CCDC181: variants seen among roughly 807,000 people sequenced by gnomAD.
CCDC181 encodes coiled-coil domain containing 181.
A neutral mutation model predicts 58.7 loss-of-function variants in CCDC181; 35 were observed. The observed-to-expected ratio is 0.60, with a 90% CI of 0.46 to 0.79. CCDC181 has a LOEUF of 0.79. Among genes scored for constraint, CCDC181 ranks in the 30% least tolerant of loss-of-function variants. The pLI is 0.00. For missense variants in CCDC181, 517 were observed against 583.9 expected (o/e 0.89, Z 1.18); for synonymous variants, 183 against 197.5 (o/e 0.93, Z 0.62).
intron 2 of CCDC181, among the ~76,000 whole-genome samples, chr1:169,435,973 C>G (rs1421274666): frequency 2.0e-5 from 3 of 152,054 alleles, no homozygotes; most frequent in African/African-American, 7.2e-5. Context: ...GTCAGAGTTC[C>G]AGTTATCTCA....
At chr1:169,404,630 T>C (rs916901774) in intron 4 of CCDC181, among the ~76,000 whole-genome samples, 13 of 152,274 alleles carry the variant, frequency 8.5e-5, no homozygotes, top group Admixed American at 7.8e-4. Flanking sequence ...CTAAAAACTC[T>C]CAATGAACTA....
intron 4 of CCDC181, among the ~76,000 whole-genome samples, chr1:169,411,905 A>C (rs1655985227): frequency 6.6e-6 from 1 of 152,186 alleles, no homozygotes; most frequent in African/African-American, 2.4e-5. Context: ...ATTTATGACA[A>C]ATCCATAGCC....
chr1:169,455,110 G>A (rs1409655405), intron 2 of CCDC181, among the ~76,000 whole-genome samples: 3 of 151,612 alleles, frequency 2.0e-5, no homozygotes, highest in Admixed American at 2.0e-4. Context: ...CTAAATGAGA[G>A]TTAAATTAGT....
chr1:169,454,143 C>T (rs2101760327), intron 2 of CCDC181, among the ~76,000 whole-genome samples: 1 of 152,104 alleles, frequency 6.6e-6, no homozygotes, highest in South Asian at 2.1e-4. Flanking sequence ...CAGACAAAGG[C>T]ACAGCCTCCT....
At chr1:169,458,175 GT>G (rs369111049) in intron 2 of CCDC181, among the ~76,000 whole-genome samples, 39 of 126,894 alleles carry the variant, frequency 3.1e-4, no homozygotes, top group Non-Finnish European at 4.4e-4. Context: ...AGTAATTTTT[GT>G]TTTTTTTTTT....
Position 169,414,019 on chromosome 1 carries a change from T to A in CCDC181, c.1215+4994A>T, listed in dbSNP as rs1009102720. 3.5e-3 allele frequency among the ~76,000 whole-genome samples: 524 copies of A among 151,692 alleles called. 3 individuals carry two copies. The highest frequency in any genetic ancestry group is 0.02 in the Middle Eastern group (6 of 294). On this transcript the variant is annotated intron_variant, in intron 4 of 5. Transcript: ENST00000367806. Reference sequence around the variant, plus strand: ...CGTATCCCAGAACTTAAAATATAATTAAAAAAAATAATTAAATACAAGTGA... The same window carrying A: ...CGTATCCCAGAACTTAAAATATAATAAAAAAAAATAATTAAATACAAGTGA...
rs41272449 is a variant in CCDC181, at chr1:169,421,437, T to G, written c.994A>C (p.Thr332Pro). 5 of 1,614,056 alleles carry G rather than the reference T, an allele frequency of 3.1e-6. No homozygotes were observed. In the Admixed American group the frequency reaches 6.7e-5, roughly 22 times the overall value. The stretch of plus-strand genomic sequence containing the variant: ...TTCTGTCGAGGGGAAAGACAGTATG[T>G]TGAAGTCACTGGTGAGATATGTGCA... ...QSAHISPVTSTYCLSPRQKEL... is the reference protein window; with the variant it reads ...QSAHISPVTSPYCLSPRQKEL... Residue 332 changes from threonine to proline, a missense_variant, in exon 3 of 6, where the codon ACA (threonine) becomes CCA (proline). By Grantham distance (38) the Thr-to-Pro change is conservative. Transcript: ENST00000367806.
chr1:169,459,783 A>C (rs1185395424), intron 2 of CCDC181: 1 of 151,908 alleles, frequency 6.6e-6, no homozygotes, highest in Non-Finnish European at 1.5e-5. Flanking sequence ...TCGATCCTAG[A>C]GATTAGTACT....
chr1:169,447,388 C>G (rs1657406205), intron 2 of CCDC181, among the ~76,000 whole-genome samples: 1 of 152,122 alleles, frequency 6.6e-6, no homozygotes, highest in Non-Finnish European at 1.5e-5. Flanking sequence ...GCTGGGATTA[C>G]AATGTAGGAA....
At position 169,397,304 on chromosome 1, in the gene CCDC181, GTTC is replaced by G. The variant is rs762491139; in HGVS notation, c.1300_1302del (p.Glu434del). On this transcript the variant is annotated inframe_deletion, in exon 5 of 6. Coordinates refer to ENST00000367806, the MANE Select transcript of CCDC181 (RefSeq NM_001300969.2). Reference sequence around the variant, plus strand: ...AATAAACATTCCTCTTGCTTTCTTAGTTCTTCTGTCTGTCTTTCTTTCATCTGC... The same window carrying G: ...AATAAACATTCCTCTTGCTTTCTTAGTTCTGTCTGTCTTTCTTTCATCTGC... 1 of 1,611,222 alleles carries G rather than the reference GTTC, an allele frequency of 6.2e-7. No homozygotes were observed. Among genetic ancestry groups the G allele is most frequent in the South Asian group, 1.1e-5 (1 of 90,742 alleles).
At chr1:169,444,153 CG>C (rs765343346) in intron 2 of CCDC181, among the ~76,000 whole-genome samples, 6 of 152,134 alleles carry the variant, frequency 3.9e-5, no homozygotes, top group Non-Finnish European at 7.4e-5. Flanking sequence ...AGGCAGTAAA[CG>C]GATCCAGCAA....
chr1:169,436,211 T>A (rs1474133150), intron 2 of CCDC181, among the ~76,000 whole-genome samples: 1 of 152,028 alleles, frequency 6.6e-6, no homozygotes, highest in African/African-American at 2.4e-5. Flanking sequence ...AAGTAGGTAC[T>A]CTGACACCAG....
intron 2 of CCDC181, among the ~76,000 whole-genome samples, chr1:169,433,201 A>G (rs1387894396): frequency 3.3e-5 from 5 of 151,310 alleles, no homozygotes; most frequent in Admixed American, 2.6e-4. Flanking sequence ...TGAACAGTCT[A>G]AAAGGAAATT....
intron 4 of CCDC181, among the ~76,000 whole-genome samples, chr1:169,414,390 T>G (rs1370028058): frequency 6.6e-6 from 1 of 152,178 alleles, no homozygotes; most frequent in Non-Finnish European, 1.5e-5. Context: ...AACACTATTT[T>G]CTAAGTAATT....
chr1:169,439,805 G>A (rs1290774079), intron 2 of CCDC181, among the ~76,000 whole-genome samples: 1 of 152,134 alleles, frequency 6.6e-6, no homozygotes, highest in African/African-American at 2.4e-5. Context: ...AGAGGGATAG[G>A]TGGGAAGCTG....
chr1:169,454,867 G>A (rs569082199), intron 2 of CCDC181, among the ~76,000 whole-genome samples: 2 of 151,924 alleles, frequency 1.3e-5, no homozygotes, highest in South Asian at 4.2e-4. Context: ...TCCATTATGT[G>A]TGTTATTCTT....
intron 2 of CCDC181, among the ~76,000 whole-genome samples, chr1:169,449,006 C>G (rs777246861): frequency 3.3e-5 from 5 of 152,124 alleles, no homozygotes; most frequent in Admixed American, 3.3e-4. Context: ...TTTAGCATTT[C>G]CCTTTGATTC....
chr1:169,401,920 C>T (rs991024512), intron 4 of CCDC181, among the ~76,000 whole-genome samples: 4 of 152,082 alleles, frequency 2.6e-5, no homozygotes, highest in Non-Finnish European at 4.4e-5. Context: ...AAAGATTAGA[C>T]GAATGGCTAA....
intron 2 of CCDC181, among the ~76,000 whole-genome samples, chr1:169,433,080 A>G (rs189721391): frequency 2.4e-4 from 36 of 152,194 alleles, no homozygotes; most frequent in African/African-American, 8.2e-4. Context: ...CAGGTCTTAT[A>G]CGTAGAAAAC....
Sources: allele counts gnomAD v4.1 joint callset (sites outside exome capture counted in the v4.1 genomes callset), GRCh38; gene constraint gnomAD v4.1.1; transcripts MANE v1.5; gene names NCBI Gene and HGNC (gene_info 2026-07-23, HGNC 2026-07-21).